Variants in DPF3 observed in about 807,000 individuals in gnomAD.
DPF3 encodes the protein zinc finger protein DPF3.
In DPF3, 18 loss-of-function variants were observed where a neutral mutation model predicts 56.8. That is an observed-to-expected ratio of 0.32 (90% CI 0.22 to 0.47). DPF3 has a LOEUF of 0.47. Ranked by LOEUF, DPF3 falls within the 20% of genes least tolerant of loss-of-function variation. DPF3 has a pLI of 1.00. For synonymous variants in DPF3, 188 were observed against 180.2 expected, an observed-to-expected ratio of 1.04 and a Z score of -0.35; for missense variants, 403 against 488.8, an observed-to-expected ratio of 0.82 and a Z score of 1.65.
chr14:72,838,912 T>TTTTTTA (rs1884431658), intron 1 of DPF3, among the ~76,000 whole-genome samples: 1 of 42,206 alleles, frequency 2.4e-5, no homozygotes, highest in Non-Finnish European at 4.4e-5. Flanking sequence ...TATATTCTTT[T>TTTTTTA]TTTTTTTTTT....
At chr14:72,874,908 A>T (rs186642341) in intron 1 of DPF3, among the ~76,000 whole-genome samples, 5 of 152,340 alleles carry the variant, frequency 3.3e-5, no homozygotes, top group East Asian at 3.9e-4. Flanking sequence ...ATTTTCACAC[A>T]GCTGATAAAG....
chr14:72,794,169 G>A (rs919746968), intron 1 of DPF3, among the ~76,000 whole-genome samples: 1 of 152,182 alleles, frequency 6.6e-6, no homozygotes, highest in South Asian at 2.1e-4. Flanking sequence ...TGCAAAATGG[G>A]TATGATAATA....
intron 6 of DPF3, among the ~76,000 whole-genome samples, chr14:72,712,508 G>A (rs535983220): frequency 1.3e-5 from 2 of 152,168 alleles, no homozygotes; most frequent in African/African-American, 4.8e-5. Context: ...GAAAGCTGCA[G>A]AGATAGAGCA....
At chr14:72,706,981 C>T (rs1888432365) in intron 6 of DPF3, among the ~76,000 whole-genome samples, 1 of 152,162 alleles carries the variant, frequency 6.6e-6, no homozygotes, top group Admixed American at 6.5e-5. Context: ...ACCCCCTCCC[C>T]CAACCCCACA....
At chr14:72,650,273 G>A (rs915941756) in intron 8 of DPF3, among the ~76,000 whole-genome samples, 1 of 152,196 alleles carries the variant, frequency 6.6e-6, no homozygotes, top group Admixed American at 6.5e-5. Flanking sequence ...ACCAGGTCAA[G>A]GCCACTTCCA....
intron 2 of DPF3, among the ~76,000 whole-genome samples, chr14:72,770,632 T>G (rs1034486131): frequency 1.3e-5 from 2 of 152,018 alleles, no homozygotes; most frequent in African/African-American, 4.8e-5. Flanking sequence ...AAGTAAGGAG[T>G]GCGTATAGAT....
chr14:72,701,320 G>T (rs1032204841), intron 6 of DPF3, among the ~76,000 whole-genome samples: 1 of 152,222 alleles, frequency 6.6e-6, no homozygotes, highest in African/African-American at 2.4e-5. Context: ...GAGAGCAGTG[G>T]CTGTGACAAT....
intron 1 of DPF3, among the ~76,000 whole-genome samples, chr14:72,811,427 G>A (rs1401461476): frequency 2.0e-5 from 3 of 152,160 alleles, no homozygotes; most frequent in Non-Finnish European, 2.9e-5. Context: ...GAGAGGCCTG[G>A]AACAGATTCT....
intron 1 of DPF3, among the ~76,000 whole-genome samples, chr14:72,839,504 A>G (rs1328956675): frequency 6.6e-6 from 1 of 152,128 alleles, no homozygotes; most frequent in Non-Finnish European, 1.5e-5. Flanking sequence ...ATCCACGTGA[A>G]AGACCTAAGC....
chr14:72,620,547 G>C (rs1032337346), intron 9 of DPF3, among the ~76,000 whole-genome samples: 6 of 152,198 alleles, frequency 3.9e-5, no homozygotes, highest in African/African-American at 1.2e-4. Context: ...GCCCGGGTGA[G>C]AGCAGGGCAC....
intron 8 of DPF3, among the ~76,000 whole-genome samples, chr14:72,633,287 G>A (rs59388659): frequency 0.046 from 7,036 of 152,092 alleles, 563 homozygotes; most frequent in African/African-American, 0.16. Context: ...TGTATGGGTC[G>A]AAATTCAGAA....
intron 8 of DPF3, among the ~76,000 whole-genome samples, chr14:72,667,054 G>A (rs1159005784): frequency 6.6e-6 from 1 of 152,158 alleles, no homozygotes; most frequent in African/African-American, 2.4e-5. Flanking sequence ...GTATCAGTCT[G>A]TAGCCCATTA....
chr14:72,773,576 A>T (rs1448947551), intron 1 of DPF3, among the ~76,000 whole-genome samples: 4 of 152,180 alleles, frequency 2.6e-5, no homozygotes, highest in African/African-American at 9.7e-5. Flanking sequence ...AACTCTTTTC[A>T]TCTTGCAAAA....
intron 6 of DPF3, among the ~76,000 whole-genome samples, chr14:72,710,759 C>T (rs1888620372): frequency 6.6e-6 from 1 of 152,224 alleles, no homozygotes; most frequent in Non-Finnish European, 1.5e-5. Flanking sequence ...GCATAAGAAA[C>T]ACTTTTCCTT....
intron 2 of DPF3, among the ~76,000 whole-genome samples, chr14:72,770,069 G>T (rs1486591279): frequency 2.0e-5 from 3 of 152,094 alleles, no homozygotes; most frequent in Non-Finnish European, 4.4e-5. Context: ...ACCCTTAATG[G>T]GATAAAGAAT....
intron 2 of DPF3, among the ~76,000 whole-genome samples, chr14:72,767,170 GC>G (rs1363220499): frequency 6.6e-6 from 1 of 152,182 alleles, no homozygotes; most frequent in African/African-American, 2.4e-5. Flanking sequence ...TCCCCTACTA[GC>G]ATAGCTTGAA....
intron 1 of DPF3, among the ~76,000 whole-genome samples, chr14:72,846,727 C>A (rs1301291515): frequency 6.6e-6 from 1 of 152,094 alleles, no homozygotes; most frequent in African/African-American, 2.4e-5. Flanking sequence ...CAGCCAGTAG[C>A]AGAGTTTTTA....
At chr14:72,732,871 TTCTC>T (rs963432930) in intron 3 of DPF3, among the ~76,000 whole-genome samples, 15 of 151,778 alleles carry the variant, frequency 9.9e-5, no homozygotes, top group Non-Finnish European at 2.1e-4. Flanking sequence ...TTTCTTTCCA[TTCTC>T]TCTTTCTTTC....
At position 72,616,466 on chromosome 14, in the gene DPF3, A is replaced by C. The variant is rs1884097350; in HGVS notation, c.*2831T>G. On this transcript the variant is annotated 3_prime_UTR_variant, in exon 11 of 11. Coordinates refer to ENST00000556509, the MANE Select transcript of DPF3 (RefSeq NM_001280542.3). Reference sequence around the variant, plus strand: ...GCAATATAAACTCCCTTTGGTCACAAGGGAGATTTGAAGAAGACGTCTAAC... The same window carrying C: ...GCAATATAAACTCCCTTTGGTCACACGGGAGATTTGAAGAAGACGTCTAAC... Among the ~76,000 whole-genome samples the C allele has an allele frequency of 6.6e-6, 1 of 152,170 alleles. No homozygotes were observed. Among genetic ancestry groups the C allele is most frequent in the Admixed American group, 6.5e-5 (1 of 15,284 alleles).
Sources: gnomAD v4.1 joint callset for allele counts (sites outside exome capture counted in the v4.1 genomes callset) on GRCh38, gnomAD v4.1.1 for gene constraint, MANE v1.5 for transcripts, NCBI Gene and HGNC (gene_info 2026-07-23, HGNC 2026-07-21) for gene names.